Variants in ADAMTS12 observed in about 807,000 individuals in gnomAD.
ADAMTS12 encodes the protein ADAM metallopeptidase with thrombospondin type 1 motif 12.
ADAMTS12 carries 118 observed loss-of-function variants against 167.8 expected under a neutral mutation model. That is an observed-to-expected ratio of 0.70 (90% confidence interval 0.61 to 0.82). The LOEUF (loss-of-function observed/expected upper bound fraction) is 0.82. Among genes scored for constraint, ADAMTS12 ranks in the 40% least tolerant of loss-of-function variants. The pLI is 0.00. For missense variants in ADAMTS12, 1,916 were observed against 1,998.8 expected, an observed-to-expected ratio of 0.96 and a Z score of 0.79; for synonymous variants, 704 against 716.9, an observed-to-expected ratio of 0.98 and a Z score of 0.29.
chr5:33,631,127 T>C (rs1228214064), intron 12 of ADAMTS12, among the ~76,000 whole-genome samples: 1 of 152,172 alleles, frequency 6.6e-6, no homozygotes, highest in Non-Finnish European at 1.5e-5. Flanking sequence ...TCAAAACAAG[T>C]TTCATAATGA....
rs1579904900 is a variant in ADAMTS12 at position 33,751,398 on chromosome 5, C to A, written c.634+6G>T. On this transcript the variant is annotated splice_donor_region_variant and intron_variant, in intron 3 of 23. Coordinates refer to ENST00000504830, the MANE Select transcript of ADAMTS12 (RefSeq NM_030955.4). ...TCAACCCAGGAGGACATGTGAGTCACAATACCCTTTAATCCACAGGTTGGC... is the reference window on the plus strand; with the variant it reads ...TCAACCCAGGAGGACATGTGAGTCAAAATACCCTTTAATCCACAGGTTGGC... The A allele has an allele frequency of 3.1e-6, 5 of 1,613,982 alleles. No homozygotes were observed. The highest frequency in any genetic ancestry group is 4.2e-6 in the Non-Finnish European group (5 of 1,180,012).
chr5:33,783,829 T>A (rs1746234013), intron 2 of ADAMTS12, among the ~76,000 whole-genome samples: 2 of 151,868 alleles, frequency 1.3e-5, no homozygotes, highest in South Asian at 4.1e-4. Context: ...CAAAATAAAT[T>A]TTCACATAAA....
At chr5:33,821,272 T>A (rs1287192053) in intron 2 of ADAMTS12, among the ~76,000 whole-genome samples, 1 of 152,208 alleles carries the variant, frequency 6.6e-6, no homozygotes, top group African/African-American at 2.4e-5. Context: ...CTTTTCATAT[T>A]TAGCAATCTT....
chr5:33,589,226 T>G (rs1298862824), intron 17 of ADAMTS12, among the ~76,000 whole-genome samples: 1 of 152,188 alleles, frequency 6.6e-6, no homozygotes, highest in Non-Finnish European at 1.5e-5. Context: ...GTAATGTGCA[T>G]AGTACAGAGC....
intron 2 of ADAMTS12, among the ~76,000 whole-genome samples, chr5:33,825,438 A>T (rs1748027828): frequency 6.6e-6 from 1 of 152,212 alleles, no homozygotes; most frequent in South Asian, 2.1e-4. Flanking sequence ...AGATTTAGTC[A>T]GTGGCCAAAG....
chr5:33,706,518 C>A (rs1002500883), intron 3 of ADAMTS12, among the ~76,000 whole-genome samples: 4 of 152,094 alleles, frequency 2.6e-5, no homozygotes, highest in Non-Finnish European at 5.9e-5. Context: ...AGGATTGCAA[C>A]CCCTCTTTAT....
intron 19 of ADAMTS12, among the ~76,000 whole-genome samples, chr5:33,570,444 A>G (rs1428529184): frequency 6.6e-6 from 1 of 152,332 alleles, no homozygotes; most frequent in East Asian, 1.9e-4. Context: ...CCAATATTCA[A>G]CATTCTTAAA....
At chr5:33,624,467 G>C in intron 13 of ADAMTS12, 116 bp from the exon 14 acceptor site, 1 of 1,416,480 alleles carries the variant, frequency 7.1e-7, no homozygotes, top group Non-Finnish European at 9.5e-7. Context: ...GAGGTACCAG[G>C]TACAAGGACA....
At chr5:33,594,464 C>T (rs1026121898) in intron 17 of ADAMTS12, among the ~76,000 whole-genome samples, 6 of 152,190 alleles carry the variant, frequency 3.9e-5, no homozygotes, top group African/African-American at 1.4e-4. Context: ...GCCTAATTAA[C>T]ATTCTCAGCA....
chr5:33,617,572 C>T (rs1579753615), intron 14 of ADAMTS12, among the ~76,000 whole-genome samples: 2 of 152,164 alleles, frequency 1.3e-5, no homozygotes, highest in Non-Finnish European at 2.9e-5. Context: ...CTGATTAAAA[C>T]CACTAATGTA....
intron 2 of ADAMTS12, among the ~76,000 whole-genome samples, chr5:33,829,236 T>C (rs1748208237): frequency 6.6e-6 from 1 of 152,126 alleles, no homozygotes; most frequent in South Asian, 2.1e-4. Flanking sequence ...TTCCTGAATG[T>C]AACATGAAGG....
chr5:33,729,035 C>T (rs1041681640), intron 3 of ADAMTS12, among the ~76,000 whole-genome samples: 8 of 151,964 alleles, frequency 5.3e-5, no homozygotes, highest in African/African-American at 1.9e-4. Flanking sequence ...GTAGGAAAAC[C>T]GATGAGCATC....
intron 2 of ADAMTS12, among the ~76,000 whole-genome samples, chr5:33,817,007 A>T (rs1236824817): frequency 6.6e-6 from 1 of 152,176 alleles, no homozygotes; most frequent in African/African-American, 2.4e-5. Context: ...AGGGGTCAAG[A>T]ATGAAAAACA....
At chr5:33,730,788 C>T (rs1179402829) in intron 3 of ADAMTS12, among the ~76,000 whole-genome samples, 1 of 152,166 alleles carries the variant, frequency 6.6e-6, no homozygotes. Context: ...TCAACTGGAC[C>T]ACAAAAGACA....
chr5:33,773,601 A>G (rs1745819899), intron 2 of ADAMTS12, among the ~76,000 whole-genome samples: 1 of 152,148 alleles, frequency 6.6e-6, no homozygotes, highest in Admixed American at 6.5e-5. Flanking sequence ...CCTGACTCCC[A>G]GAAGTAGCAT....
At chr5:33,862,962 T>TA (rs1282191842) in intron 2 of ADAMTS12, among the ~76,000 whole-genome samples, 1 of 152,124 alleles carries the variant, frequency 6.6e-6, no homozygotes, top group Non-Finnish European at 1.5e-5. Context: ...TCTCAATAGA[T>TA]ACAGAAAAGG....
At chr5:33,747,633 C>G (rs900595278) in intron 3 of ADAMTS12, among the ~76,000 whole-genome samples, 1 of 152,060 alleles carries the variant, frequency 6.6e-6, no homozygotes, top group Non-Finnish European at 1.5e-5. Context: ...TAGTCCAAGC[C>G]TGAAAGCAGT....
rs535185581 is a variant in ADAMTS12, at chr5:33,539,411, A to G, written c.4447-4419T>C. Among the ~76,000 whole-genome samples, 111 of 152,298 alleles carry G rather than the reference A, an allele frequency of 7.3e-4. 1 individual carries two copies. Among genetic ancestry groups the G allele is most frequent in the Admixed American group, 1.6e-3 (25 of 15,302 alleles). The stretch of plus-strand genomic sequence containing the variant: ...GGGCTGACAAGAGGCCTGAAACTCA[A>G]TAAGTCTGACTATGCCTAAAGCTTT... On this transcript the variant is annotated intron_variant, in intron 22 of 23. Coordinates refer to ENST00000504830, the MANE Select transcript of ADAMTS12 (RefSeq NM_030955.4).
intron 3 of ADAMTS12, among the ~76,000 whole-genome samples, chr5:33,731,979 A>G (rs1201814985): frequency 6.6e-6 from 1 of 152,144 alleles, no homozygotes; most frequent in African/African-American, 2.4e-5. Flanking sequence ...TCCACCTCTG[A>G]CCAGCTGGTG....
Sources: gnomAD v4.1 joint callset for allele counts (sites outside exome capture counted in the v4.1 genomes callset) on GRCh38, gnomAD v4.1.1 for gene constraint, MANE v1.5 for transcripts, NCBI Gene and HGNC (gene_info 2026-07-23, HGNC 2026-07-21) for gene names.